The following RHOJ variants were observed in gnomAD, a reference collection of about 807,000 sequenced individuals.
RHOJ encodes ras homolog family member J, also known as rho-related GTP-binding protein RhoJ.
Under a neutral mutation model 23.4 loss-of-function variants are expected in RHOJ, and 11 were observed. The ratio of observed to expected loss-of-function variants is 0.47; its 90% CI spans 0.30 to 0.78. The LOEUF (loss-of-function observed/expected upper bound fraction) is 0.78. RHOJ is among the 30% of genes least tolerant of loss of function. The probability of loss-of-function intolerance (pLI) is 0.08; values close to 1 mark genes in which losing one functional copy is unlikely to be tolerated. For synonymous variants in RHOJ, 102 were observed against 102.7 expected (o/e 0.99, Z 0.04); for missense variants, 254 against 273.4 (o/e 0.93, Z 0.50).
chr14:63,234,699 T>G (rs546032038), intron 1 of RHOJ, among the ~76,000 whole-genome samples: 38 of 152,292 alleles, frequency 2.5e-4, no homozygotes, highest in Admixed American at 1.9e-3. Flanking sequence ...ACCATTAACA[T>G]AATTTTTCTC....
intron 1 of RHOJ, among the ~76,000 whole-genome samples, chr14:63,252,864 C>T (rs1273656886): frequency 1.3e-5 from 2 of 152,264 alleles, no homozygotes; most frequent in African/African-American, 2.4e-5. Context: ...CCTCCCACTT[C>T]GGCCTTCCCA....
intron 1 of RHOJ, among the ~76,000 whole-genome samples, chr14:63,259,754 A>T (rs1895240704): frequency 6.6e-6 from 1 of 152,202 alleles, no homozygotes; most frequent in Non-Finnish European, 1.5e-5. Context: ...ATTTCTTGAC[A>T]TATATTAAGA....
intron 2 of RHOJ, among the ~76,000 whole-genome samples, chr14:63,271,237 T>TG (rs1361418602): frequency 6.6e-6 from 1 of 152,184 alleles, no homozygotes; most frequent in Admixed American, 6.5e-5. Flanking sequence ...CCATAAAGCA[T>TG]GGGGAAAAGG....
chr14:63,240,867 T>C (rs1894870844), intron 1 of RHOJ, among the ~76,000 whole-genome samples: 1 of 152,232 alleles, frequency 6.6e-6, no homozygotes, highest in South Asian at 2.1e-4. Context: ...GATTCCACTG[T>C]ATTGCTTTTC....
At chr14:63,259,096 C>T (rs10467732) in intron 1 of RHOJ, among the ~76,000 whole-genome samples, 10,297 of 152,180 alleles carry the variant, frequency 0.068, 446 homozygotes, top group African/African-American at 0.088. Flanking sequence ...CGTGCCACCA[C>T]GCCTGGCTAA....
At chr14:63,290,788 GAAGT>G in intron 4 of RHOJ, 86 bp from the exon 5 acceptor site, 1 of 1,293,800 alleles carries the variant, frequency 7.7e-7, no homozygotes, top group Non-Finnish European at 1.1e-6. Flanking sequence ...AGGACAGGCA[GAAGT>G]AAGTGCTTGT....
chr14:63,280,846 C>A, intron 2 of RHOJ, 125 bp from the exon 3 acceptor site: 1 of 826,420 alleles, frequency 1.2e-6, no homozygotes, highest in Non-Finnish European at 1.8e-6. Flanking sequence ...CTACCAGATT[C>A]CAGGGTTGAG....
At chr14:63,207,479 G>A (rs774837856) in intron 1 of RHOJ, among the ~76,000 whole-genome samples, 2 of 152,164 alleles carry the variant, frequency 1.3e-5, no homozygotes, top group African/African-American at 2.4e-5. Flanking sequence ...AAAACTAAAT[G>A]CCCTCTTCTC....
intron 4 of RHOJ, chr14:63,288,341 GTCCTGGAAT>G: frequency 1.0e-6 from 1 of 985,378 alleles, no homozygotes; most frequent in Non-Finnish European, 1.2e-6. Flanking sequence ...CAGCCCAGCT[GTCCTGGAAT>G]TCCAGGCAGA....
chr14:63,258,624 G>C lies in RHOJ; in HGVS notation c.179-10486G>C, dbSNP rs147805960. Among the ~76,000 whole-genome samples the C allele has an allele frequency of 5.6e-4, 85 of 152,286 alleles. 1 individual carries two copies. The highest frequency in any genetic ancestry group is 1.1e-3 in the Non-Finnish European group (75 of 68,022). ...CCCAACAGCCCAAAGGAGAGTATGAGGGTACCAGCCATGCCCTGGGCTTTC... is the reference window on the plus strand; with the variant it reads ...CCCAACAGCCCAAAGGAGAGTATGACGGTACCAGCCATGCCCTGGGCTTTC... On this transcript the variant is annotated intron_variant, in intron 1 of 4. Coordinates refer to ENST00000316754, the MANE Select transcript of RHOJ (RefSeq NM_020663.5).
At chr14:63,251,813 C>T (rs1350354634) in intron 1 of RHOJ, among the ~76,000 whole-genome samples, 2 of 152,090 alleles carry the variant, frequency 1.3e-5, no homozygotes, top group Non-Finnish European at 2.9e-5. Flanking sequence ...TTATTATTAT[C>T]TTATAATTTT....
intron 4 of RHOJ, among the ~76,000 whole-genome samples, chr14:63,287,088 T>C (rs1882106977): frequency 6.6e-6 from 1 of 152,226 alleles, no homozygotes; most frequent in Non-Finnish European, 1.5e-5. Context: ...TTCTTTTCTC[T>C]CCATTTACAG....
rs2139733527 is a variant in RHOJ, at chr14:63,217,441, A to C, written c.178+12394A>C. ...CCTGAGAAAAACAAGCAATGGGGAA[A>C]GGATTCCCTATTTAATAAATGGTGC... On this transcript the variant is annotated intron_variant, in intron 1 of 4. Transcript: ENST00000316754. Among the ~76,000 whole-genome samples, 2 of 152,266 alleles carry C rather than the reference A, an allele frequency of 1.3e-5. 1 individual carries two copies. Among genetic ancestry groups the C allele is most frequent in the South Asian group, 4.1e-4 (2 of 4,822 alleles).
intron 2 of RHOJ, among the ~76,000 whole-genome samples, chr14:63,280,744 T>C (rs892559977): frequency 3.9e-5 from 6 of 152,180 alleles, no homozygotes; most frequent in Non-Finnish European, 8.8e-5. Flanking sequence ...ATATTTTAAG[T>C]TCATCTTAAG....
At chr14:63,217,197 A>G (rs1894380377) in intron 1 of RHOJ, among the ~76,000 whole-genome samples, 1 of 149,112 alleles carries the variant, frequency 6.7e-6, no homozygotes, top group African/African-American at 2.4e-5. Context: ...CTAACTCGTC[A>G]TCTAGCATTA....
At chr14:63,205,091 A>T in intron 1 of RHOJ, 44 bp downstream of exon 1, 1 of 1,584,268 alleles carries the variant, frequency 6.3e-7, no homozygotes, top group Non-Finnish European at 8.6e-7. Context: ...CAAACGATGC[A>T]GGGGGCGAGA....
chr14:63,292,244 T>C lies in RHOJ; in HGVS notation c.*1220T>C, dbSNP rs1882276062. 1.3e-5 allele frequency: 2 copies of C among 152,190 alleles called. 1 individual carries two copies. The highest frequency in any genetic ancestry group is 4.2e-4 in the South Asian group (2 of 4,816). 9.4% of individuals were successfully genotyped at this position (152,190 alleles called of 1,614,324 possible). On this transcript the variant is annotated 3_prime_UTR_variant, in exon 5 of 5. Transcript: ENST00000316754. ...TCCTTACTCATCCTCCCAAATGTCTTTGTGGGAGCCATATCAGTGGATACC... is the reference window on the plus strand; with the variant it reads ...TCCTTACTCATCCTCCCAAATGTCTCTGTGGGAGCCATATCAGTGGATACC...
chr14:63,252,493 A>G (rs966775944), intron 1 of RHOJ, among the ~76,000 whole-genome samples: 4 of 152,250 alleles, frequency 2.6e-5, no homozygotes, highest in Non-Finnish European at 4.4e-5. Context: ...GACATGATAT[A>G]AAATACTTTT....
At chr14:63,205,104 C>G in intron 1 of RHOJ, 57 bp downstream of exon 1, 1 of 1,559,220 alleles carries the variant, frequency 6.4e-7, no homozygotes, top group Non-Finnish European at 8.7e-7. Flanking sequence ...GGGCGAGACC[C>G]TAAGTTCAGA....
Sources: allele counts gnomAD v4.1 joint callset (sites outside exome capture counted in the v4.1 genomes callset), GRCh38; gene constraint gnomAD v4.1.1; transcripts MANE v1.5; gene names NCBI Gene and HGNC (gene_info 2026-07-23, HGNC 2026-07-21).